FRY: variants seen among roughly 807,000 people sequenced by gnomAD.
FRY encodes protein furry homolog.
A neutral mutation model predicts 348.4 loss-of-function variants in FRY; 128 were observed. That is an observed-to-expected ratio of 0.37 (90% CI 0.32 to 0.43). FRY has a LOEUF of 0.43. Among genes scored for constraint, FRY ranks in the 20% least tolerant of loss-of-function variants. The pLI is 1.00. For synonymous variants in FRY, 1,370 were observed against 1,374.7 expected, an observed-to-expected ratio of 1.00 and a Z score of 0.08; for missense variants, 2,736 against 3,695.2, an observed-to-expected ratio of 0.74 and a Z score of 6.73.
chr13:32,158,777 G>A (rs1304473154), intron 16 of FRY, among the ~76,000 whole-genome samples: 1 of 151,874 alleles, frequency 6.6e-6, no homozygotes, highest in East Asian at 1.9e-4. Context: ...AATTAGCCGG[G>A]CATGGTGGCG....
chr13:32,131,099 C>A (rs1224465580), intron 7 of FRY, among the ~76,000 whole-genome samples: 1 of 152,098 alleles, frequency 6.6e-6, no homozygotes, highest in African/African-American at 2.4e-5. Context: ...TACAGGCGAG[C>A]GCCACTGCGC....
intron 2 of FRY, among the ~76,000 whole-genome samples, chr13:32,080,211 G>A (rs1228213661): frequency 6.6e-6 from 1 of 152,110 alleles, no homozygotes; most frequent in African/African-American, 2.4e-5. Context: ...TGCTTTTACA[G>A]TTTAAATCAT....
chr13:32,295,228 G>C lies in FRY; in HGVS notation c.8810G>C (p.Gly2937Ala), dbSNP rs1195461523. 6.2e-7 allele frequency: 1 copy of C among 1,613,836 alleles called. No individual in the cohort carries two copies. The highest frequency in any genetic ancestry group is 1.3e-5 in the African/African-American group (1 of 74,902). ...CRSLWPNDIF[G>A]SSSDDEVQTL... is the part of the protein sequence containing the mutation. ...AGTCTGTGGCCCAATGACATCTTTGGAAGCAGTTCTGATGATGAGGTCCAG... is the reference window on the plus strand; with the variant it reads ...AGTCTGTGGCCCAATGACATCTTTGCAAGCAGTTCTGATGATGAGGTCCAG... The change falls in exon 61 of 61, where the codon GGA becomes GCA. Residue 2937 changes from glycine to alanine, a missense_variant. Gly to Ala is a moderately conservative substitution (Grantham distance 60). Coordinates refer to ENST00000542859, the MANE Select transcript of FRY (RefSeq NM_023037.3).
chr13:32,085,960 C>A, intron 2 of FRY: 1 of 518,976 alleles, frequency 1.9e-6, no homozygotes, highest in South Asian at 1.4e-5. Flanking sequence ...GAAGACAACA[C>A]CCCCAACGAT....
At chr13:32,202,100 T>C in intron 30 of FRY, 60 bp downstream of exon 30, 2 of 1,031,138 alleles carry the variant, frequency 1.9e-6, no homozygotes, top group Admixed American at 1.7e-5. Context: ...ATAGAAATGG[T>C]AGTTGATTAC....
chr13:32,170,557 G>A (rs1881999830), intron 17 of FRY, among the ~76,000 whole-genome samples: 1 of 152,170 alleles, frequency 6.6e-6, no homozygotes, highest in African/African-American at 2.4e-5. Context: ...GTTTTTCTGA[G>A]ATGGAGTTTA....
intron 58 of FRY, among the ~76,000 whole-genome samples, chr13:32,283,171 A>G (rs1322155725): frequency 2.0e-5 from 3 of 151,956 alleles, no homozygotes; most frequent in Non-Finnish European, 4.4e-5. Flanking sequence ...CAACAACGAA[A>G]AAAACTTTCA....
chr13:32,200,148 G>A (rs1447831894), intron 29 of FRY, among the ~76,000 whole-genome samples: 2 of 152,052 alleles, frequency 1.3e-5, no homozygotes, highest in African/African-American at 4.8e-5. Flanking sequence ...ATTCATGAGG[G>A]CAGTCTCATG....
At chr13:32,117,981 A>C (rs1044301003) in intron 4 of FRY, among the ~76,000 whole-genome samples, 1 of 152,112 alleles carries the variant, frequency 6.6e-6, no homozygotes, top group East Asian at 1.9e-4. Context: ...TGAGCAAAAC[A>C]AGGAAGTTAG....
At chr13:32,252,477 G>A (rs966356689) in intron 50 of FRY, among the ~76,000 whole-genome samples, 3 of 152,160 alleles carry the variant, frequency 2.0e-5, no homozygotes, top group East Asian at 1.9e-4. Context: ...ATGAATGGAC[G>A]ATTGAATAAT....
rs116372861 is a variant in FRY at position 32,211,426 on chromosome 13, T to C, written c.4591+392T>C. Among the ~76,000 whole-genome samples, 583 of 152,286 alleles carry C rather than the reference T, an allele frequency of 3.8e-3. 3 individuals carry two copies. Among genetic ancestry groups the C allele is most frequent in the African/African-American group, 0.013 (560 of 41,558 alleles). ...GTGAGCCAAGATTGCACCACTATAC[T>C]CCAGCTTGGGCGACAGAGCAAGACT... On this transcript the variant is annotated intron_variant, in intron 34 of 60. Transcript: ENST00000542859.
intron 17 of FRY, 47 bp downstream of exon 17, chr13:32,161,298 G>T (rs1407917326): frequency 9.0e-7 from 1 of 1,106,274 alleles, no homozygotes; most frequent in South Asian, 1.2e-5. Flanking sequence ...ATCCTTTGTT[G>T]TGACTCCTGA....
intron 58 of FRY, among the ~76,000 whole-genome samples, chr13:32,288,408 G>A (rs1889178068): frequency 1.3e-5 from 2 of 152,156 alleles, no homozygotes; most frequent in South Asian, 2.1e-4. Flanking sequence ...AAGAATCTAG[G>A]CAGAATTGGT....
intron 28 of FRY, among the ~76,000 whole-genome samples, chr13:32,192,406 G>A (rs944446934): frequency 2.0e-4 from 30 of 151,946 alleles, no homozygotes; most frequent in African/African-American, 5.6e-4. Context: ...TCCACCTCCC[G>A]GGTTCATGCC....
chr13:32,208,853 A>G lies in FRY; in HGVS notation c.4019A>G (p.Glu1340Gly), dbSNP rs1397020439. The change falls in exon 32 of 61, where the codon GAG (glutamate) becomes GGG (glycine). Residue 1340 changes from glutamate (E) to glycine (G), a missense_variant and splice_region_variant. Glu to Gly is a moderately conservative substitution (Grantham distance 98). Transcript: ENST00000542859. ...YPELTLPLFS[E>G]VSQRFPTTHP... ...TCTCTGTCACTGCAATTCTCTTTAG[A>G]GGTAAGCCAGCGATTCCCCACAACA... 1.2e-6 allele frequency: 2 copies of G among 1,614,032 alleles called. No homozygotes were observed. The highest frequency in any genetic ancestry group is 8.5e-7 in the Non-Finnish European group (1 of 1,179,920).
chr13:32,232,876 T>C (rs1383307360), intron 41 of FRY, among the ~76,000 whole-genome samples: 1 of 152,224 alleles, frequency 6.6e-6, no homozygotes, highest in Non-Finnish European at 1.5e-5. Flanking sequence ...AGTACAGTTC[T>C]AGCCTTCAGG....
intron 1 of FRY, among the ~76,000 whole-genome samples, chr13:32,055,994 C>T (rs1004015130): frequency 1.3e-5 from 2 of 151,932 alleles, no homozygotes; most frequent in African/African-American, 2.4e-5. Context: ...AGATTGAGAC[C>T]AGCCTGGCCA....
In FRY at chr13:32,157,524, G is replaced by C. The variant is rs867472132; in HGVS notation, c.1784+119G>C. 2.1e-5 allele frequency: 18 copies of C among 846,368 alleles called. No individual in the cohort carries two copies. In the African/African-American group the frequency reaches 3.6e-4, roughly 17 times the overall value. 52.4% of individuals were successfully genotyped at this position (846,368 alleles called of 1,614,324 possible). ...TCTTAGGGTTCTAAAAAGTAGTAAA[G>C]ATAGTTAAAAAAAAACCTTCACAGT... is the stretch of plus-strand genomic sequence containing the variant. On this transcript the variant is annotated intron_variant, in intron 16 of 60. Transcript: ENST00000542859.
intron 14 of FRY, among the ~76,000 whole-genome samples, chr13:32,152,236 C>A (rs1041967324): frequency 1.3e-5 from 2 of 152,148 alleles, no homozygotes; most frequent in Non-Finnish European, 2.9e-5. Context: ...CAATTAAAAT[C>A]TCTGTACCTT....
Sources: allele counts gnomAD v4.1 joint callset (sites outside exome capture counted in the v4.1 genomes callset), GRCh38; gene constraint gnomAD v4.1.1; transcripts MANE v1.5; gene names NCBI Gene and HGNC (gene_info 2026-07-23, HGNC 2026-07-21).